The following IL16 variants were observed in gnomAD, a reference collection of about 807,000 sequenced individuals.
IL16 encodes the protein pro-interleukin-16.
Under a neutral mutation model 110.1 loss-of-function variants are expected in IL16, and 67 were observed. The observed-to-expected ratio is 0.61, with a 90% CI of 0.50 to 0.75. The LOEUF (loss-of-function observed/expected upper bound fraction) is 0.75. Ranked by LOEUF, IL16 falls within the 30% of genes least tolerant of loss-of-function variation. The pLI, the probability that IL16 is intolerant of heterozygous loss-of-function variation, is 0.00. For synonymous variants in IL16, 689 were observed against 662.9 expected (o/e 1.04, Z -0.61); for missense variants, 1,545 against 1,655.0 (o/e 0.93, Z 1.15).
At chr15:81,297,787 G>C (rs188143328) in intron 13 of IL16, among the ~76,000 whole-genome samples, 4 of 152,136 alleles carry the variant, frequency 2.6e-5, no homozygotes, top group Non-Finnish European at 4.4e-5. Context: ...CTAGATGCTG[G>C]GGGGAGAGAG....
In IL16 at chr15:81,215,677, C is replaced by A. The variant is rs115508826; in HGVS notation, c.-101-9622C>A. 2.1e-3 allele frequency among the ~76,000 whole-genome samples: 324 copies of A among 152,324 alleles called. 1 individual carries two copies. Among genetic ancestry groups the A allele is most frequent in the African/African-American group, 7.0e-3 (289 of 41,568 alleles). On this transcript the variant is annotated intron_variant, in intron 1 of 18. Transcript: ENST00000683961. ...CTGTAACAGGAAGATGTTCTTCACC[C>A]TTTCTGGATTGACCCTGTGGAGGGA...
intron 2 of IL16, among the ~76,000 whole-genome samples, chr15:81,248,089 T>C (rs59545248): frequency 0.15 from 22,669 of 152,210 alleles, 1,985 homozygotes; most frequent in Middle Eastern, 0.21. Flanking sequence ...GGCTATGTTA[T>C]AAGGTGCGAA....
chr15:81,237,793 C>A (rs1249058111), intron 2 of IL16, among the ~76,000 whole-genome samples: 1 of 151,856 alleles, frequency 6.6e-6, no homozygotes, highest in East Asian at 1.9e-4. Context: ...TATTTTCAAC[C>A]TATTTGTTAT....
intron 8 of IL16, among the ~76,000 whole-genome samples, chr15:81,282,199 G>A (rs759425123): frequency 7.2e-5 from 11 of 152,264 alleles, no homozygotes; most frequent in South Asian, 2.1e-4. Context: ...GGGCCTTTGC[G>A]TTGGCTGTTT....
intron 1 of IL16, among the ~76,000 whole-genome samples, chr15:81,221,107 A>G (rs1896601061): frequency 6.6e-6 from 1 of 151,984 alleles, no homozygotes; most frequent in Admixed American, 6.6e-5. Context: ...TATTCTGTGG[A>G]AGATATAACC....
intron 11 of IL16, chr15:81,292,265 A>C: frequency 2.2e-6 from 1 of 451,982 alleles, no homozygotes; most frequent in Non-Finnish European, 4.1e-6. Flanking sequence ...TGCCAGCAGC[A>C]CTCCCCACAG....
Position 81,301,438 on chromosome 15 carries a change from A to T in IL16, c.3244A>T (p.Ile1082Phe). ...HSSLQSGQSV[I>F]SLLSSEELKK... ...TTCCCTTCAGTCTGGTCAGTCCGTT[A>T]TCTCCCTGCTGAGCTCAGAAGAATT... Residue 1082 changes from isoleucine (I) to phenylalanine (F), a missense_variant, in exon 15 of 19, where the codon ATC (isoleucine) becomes TTC (phenylalanine). Coordinates refer to ENST00000683961, the MANE Select transcript of IL16 (RefSeq NM_172217.5). 9 of 1,614,132 alleles carry T rather than the reference A, an allele frequency of 5.6e-6. No individual in the cohort carries two copies. The highest frequency in any genetic ancestry group is 1.3e-5 in the African/African-American group (1 of 75,026).
chr15:81,281,824 C>T (rs934991338), intron 8 of IL16, among the ~76,000 whole-genome samples: 3 of 152,188 alleles, frequency 2.0e-5, no homozygotes, highest in East Asian at 3.9e-4. Flanking sequence ...CATGGGCATC[C>T]GTTTCTTTCC....
chr15:81,258,491 A>G (rs963513912), intron 2 of IL16, among the ~76,000 whole-genome samples: 6 of 152,166 alleles, frequency 3.9e-5, no homozygotes, highest in Non-Finnish European at 7.3e-5. Flanking sequence ...ACTTGAGCCC[A>G]GGAGTTTGAG....
intron 10 of IL16, among the ~76,000 whole-genome samples, chr15:81,289,020 T>C (rs1341633173): frequency 3.3e-5 from 5 of 152,212 alleles, no homozygotes; most frequent in Non-Finnish European, 5.9e-5. Flanking sequence ...CTGGGTCATA[T>C]GGTAATTCTA....
intron 2 of IL16, among the ~76,000 whole-genome samples, chr15:81,235,131 AC>A (rs1320093521): frequency 1.3e-5 from 2 of 152,200 alleles, no homozygotes; most frequent in Non-Finnish European, 2.9e-5. Flanking sequence ...AACTGTGCAT[AC>A]CAGTGGTGTG....
chr15:81,256,719 A>G (rs763497814), intron 2 of IL16, among the ~76,000 whole-genome samples: 5 of 152,190 alleles, frequency 3.3e-5, no homozygotes, highest in Non-Finnish European at 5.9e-5. Context: ...ATGCAGCTAG[A>G]TATTTGAGAT....
At chr15:81,206,224 A>G (rs1039159649) in intron 1 of IL16, among the ~76,000 whole-genome samples, 2 of 148,576 alleles carry the variant, frequency 1.3e-5, no homozygotes, top group Non-Finnish European at 2.9e-5. Flanking sequence ...AACGTTACAT[A>G]GGGTACTTAA....
At chr15:81,213,511 A>G (rs894173863) in intron 1 of IL16, among the ~76,000 whole-genome samples, 1 of 152,086 alleles carries the variant, frequency 6.6e-6, no homozygotes, top group Admixed American at 6.5e-5. Context: ...CTATTATTGT[A>G]TGGTTGTCTA....
chr15:81,212,424 C>A (rs895201672), intron 1 of IL16, among the ~76,000 whole-genome samples: 4 of 151,794 alleles, frequency 2.6e-5, no homozygotes, highest in Non-Finnish European at 5.9e-5. Flanking sequence ...TAAATTCTTA[C>A]TGTAAGTCAA....
At chr15:81,202,407 T>G (rs978306972) in intron 1 of IL16, among the ~76,000 whole-genome samples, 1 of 152,156 alleles carries the variant, frequency 6.6e-6, no homozygotes, top group African/African-American at 2.4e-5. Flanking sequence ...TGAAGAGTGA[T>G]GAAAATTTAG....
chr15:81,261,884 T>A (rs1030771532), intron 3 of IL16, among the ~76,000 whole-genome samples: 1 of 151,978 alleles, frequency 6.6e-6, no homozygotes, highest in African/African-American at 2.4e-5. Context: ...GCCTGGACAA[T>A]ATAGTGAAAC....
chr15:81,299,640 A>T lies in IL16; in HGVS notation c.2314A>T (p.Lys772Ter), dbSNP rs1432778873. Reference protein sequence around the residue: ...DTANGTPKVYKSADSSTVKKG... With the variant: ...DTANGTPKVY ...CGCCAATGGCACTCCCAAAGTTTAC[A>T]AGTCAGCAGACAGCAGCACTGTGAA... The change falls in exon 14 of 19, where the codon AAG becomes TAG. Residue 772 changes from lysine to a stop codon, truncating the protein, a stop_gained. Coordinates refer to ENST00000683961, the MANE Select transcript of IL16 (RefSeq NM_172217.5). LOFTEE classifies it high-confidence loss of function. 1 of 1,614,242 alleles carries T rather than the reference A, an allele frequency of 6.2e-7. No homozygotes were observed. The highest frequency in any genetic ancestry group is 1.1e-5 in the South Asian group (1 of 91,082).
intron 6 of IL16, among the ~76,000 whole-genome samples, chr15:81,275,174 A>T (rs1359785491): frequency 1.3e-5 from 2 of 151,542 alleles, no homozygotes; most frequent in Non-Finnish European, 2.9e-5. Flanking sequence ...AAGGCAAACC[A>T]GGATGTGTAG....
Sources: gnomAD v4.1 joint callset for allele counts (sites outside exome capture counted in the v4.1 genomes callset) on GRCh38, gnomAD v4.1.1 for gene constraint, MANE v1.5 for transcripts, NCBI Gene and HGNC (gene_info 2026-07-23, HGNC 2026-07-21) for gene names.